GRM8: variants seen among roughly 807,000 people sequenced by gnomAD.
GRM8 encodes metabotropic glutamate receptor 8.
GRM8 carries 47 observed loss-of-function variants against 87.2 expected under a neutral mutation model. That is an observed-to-expected ratio of 0.54 (90% CI 0.43 to 0.69). The LOEUF (loss-of-function observed/expected upper bound fraction) is 0.69. Ranked by LOEUF, GRM8 falls within the 30% of genes least tolerant of loss-of-function variation. The probability of loss-of-function intolerance (pLI) is 0.00; values close to 1 mark genes in which losing one functional copy is unlikely to be tolerated. For synonymous variants in GRM8, 396 were observed against 404.5 expected (o/e 0.98, Z 0.25); for missense variants, 1,019 against 1,139.2 (o/e 0.89, Z 1.52).
chr7:126,585,009 A>C (rs2080963074), intron 8 of GRM8, among the ~76,000 whole-genome samples: 1 of 152,216 alleles, frequency 6.6e-6, no homozygotes, highest in South Asian at 2.1e-4. Flanking sequence ...AAATGTTATT[A>C]ATCATATAAA....
At chr7:127,165,925 G>A (rs1793427621) in intron 2 of GRM8, among the ~76,000 whole-genome samples, 1 of 152,160 alleles carries the variant, frequency 6.6e-6, no homozygotes, top group African/African-American at 2.4e-5. Context: ...ATCTGGGCAT[G>A]GGAGAGTTGA....
chr7:126,902,903 T>G (rs1802243958), intron 5 of GRM8, among the ~76,000 whole-genome samples: 1 of 152,132 alleles, frequency 6.6e-6, no homozygotes, highest in Admixed American at 6.6e-5. Flanking sequence ...CCCAAGCACC[T>G]GGCTCTATGA....
intron 8 of GRM8, among the ~76,000 whole-genome samples, chr7:126,548,260 C>A (rs1319458350): frequency 1.3e-5 from 2 of 151,664 alleles, no homozygotes; most frequent in Admixed American, 6.6e-5. Context: ...CACATGTATA[C>A]ATATGTAACA....
intron 3 of GRM8, among the ~76,000 whole-genome samples, chr7:126,982,666 C>G (rs745462992): frequency 1.3e-5 from 2 of 150,448 alleles, no homozygotes; most frequent in Non-Finnish European, 1.5e-5. Flanking sequence ...CAAGTGTGTA[C>G]ATGCACAAAC....
intron 9 of GRM8, among the ~76,000 whole-genome samples, chr7:126,514,015 G>T (rs1262748361): frequency 6.6e-6 from 1 of 152,096 alleles, no homozygotes; most frequent in Non-Finnish European, 1.5e-5. Flanking sequence ...AGCCTCATTT[G>T]TGCAATCATG....
chr7:126,751,803 A>G (rs1043460498), intron 7 of GRM8, among the ~76,000 whole-genome samples: 2 of 152,168 alleles, frequency 1.3e-5, no homozygotes, highest in Non-Finnish European at 2.9e-5. Flanking sequence ...AACTGGACCA[A>G]TCTGCCCCAG....
intron 3 of GRM8, among the ~76,000 whole-genome samples, chr7:126,921,470 G>C (rs1286307700): frequency 6.6e-6 from 1 of 152,018 alleles, no homozygotes; most frequent in Non-Finnish European, 1.5e-5. Flanking sequence ...AGAACTTTTG[G>C]ATTGAAAATA....
At chr7:127,033,977 A>G (rs1282458182) in intron 3 of GRM8, among the ~76,000 whole-genome samples, 1 of 152,216 alleles carries the variant, frequency 6.6e-6, no homozygotes, top group Non-Finnish European at 1.5e-5. Flanking sequence ...TCATTCTCTA[A>G]TGGAATAGTT....
intron 3 of GRM8, among the ~76,000 whole-genome samples, chr7:127,063,692 T>C (rs1322280001): frequency 6.6e-6 from 1 of 152,234 alleles, no homozygotes; most frequent in African/African-American, 2.4e-5. Flanking sequence ...TTGGGGTGGA[T>C]TTATTCTTTC....
At chr7:126,747,291 CA>C (rs1320798513) in intron 7 of GRM8, among the ~76,000 whole-genome samples, 5 of 151,862 alleles carry the variant, frequency 3.3e-5, no homozygotes, top group African/African-American at 9.6e-5. Flanking sequence ...TTTTGTTGGA[CA>C]AAAAAACCAC....
intron 3 of GRM8, among the ~76,000 whole-genome samples, chr7:126,911,466 T>G (rs529686860): frequency 8.5e-5 from 13 of 152,346 alleles, no homozygotes; most frequent in African/African-American, 2.6e-4. Context: ...TATTAAAATA[T>G]TAACGGGTGC....
chr7:126,946,327 C>T (rs1049007802), intron 3 of GRM8, among the ~76,000 whole-genome samples: 1 of 149,166 alleles, frequency 6.7e-6, no homozygotes, highest in Non-Finnish European at 1.5e-5. Context: ...CATAGTGAGA[C>T]CCCCCCATCT....
chr7:126,527,787 G>A (rs2150826602), intron 9 of GRM8, among the ~76,000 whole-genome samples: 1 of 152,218 alleles, frequency 6.6e-6, no homozygotes, highest in African/African-American at 2.4e-5. Flanking sequence ...TTGAAGGCAG[G>A]TACACACTGC....
chr7:126,498,230 A>G (rs962410576), intron 9 of GRM8, among the ~76,000 whole-genome samples: 8 of 152,012 alleles, frequency 5.3e-5, no homozygotes, highest in African/African-American at 1.7e-4. Context: ...AAGAAACTCA[A>G]TTGTTCTGAT....
chr7:127,239,082 G>A (rs544507445), intron 2 of GRM8, among the ~76,000 whole-genome samples: 1 of 152,282 alleles, frequency 6.6e-6, no homozygotes, highest in Non-Finnish European at 1.5e-5. Flanking sequence ...TGACACAGGA[G>A]GAGCAAGACT....
chr7:127,055,331 A>C (rs1819877066), intron 3 of GRM8, among the ~76,000 whole-genome samples: 1 of 152,208 alleles, frequency 6.6e-6, no homozygotes, highest in Admixed American at 6.5e-5. Flanking sequence ...AAGAGGTCAA[A>C]TGAGAATTAA....
At chr7:126,912,331 T>C (rs1464950728) in intron 3 of GRM8, among the ~76,000 whole-genome samples, 2 of 152,188 alleles carry the variant, frequency 1.3e-5, no homozygotes, top group African/African-American at 4.8e-5. Flanking sequence ...GGAACAAAAA[T>C]GTAGACCAAG....
Position 127,187,620 on chromosome 7 carries a change from G to A in GRM8, c.510+55075C>T, listed in dbSNP as rs1794809212. 2.6e-5 allele frequency among the ~76,000 whole-genome samples: 4 copies of A among 152,094 alleles called. No homozygotes were observed. In the South Asian group the frequency reaches 8.3e-4, roughly 31 times the overall value. On this transcript the variant is annotated intron_variant, in intron 2 of 10. Coordinates refer to ENST00000339582, the MANE Select transcript of GRM8 (RefSeq NM_000845.3). ...CACATACGCGCATTTGGTGTTCTCAGCTCTCCTCTTAATCACTAACTCCTG... is the reference window on the plus strand; with the variant it reads ...CACATACGCGCATTTGGTGTTCTCAACTCTCCTCTTAATCACTAACTCCTG...
At chr7:126,463,154 A>C (rs987807559) in intron 9 of GRM8, among the ~76,000 whole-genome samples, 3 of 151,574 alleles carry the variant, frequency 2.0e-5, no homozygotes, top group Non-Finnish European at 4.4e-5. Context: ...TGATTCTATT[A>C]TTTATGATGA....
Sources: allele counts gnomAD v4.1 joint callset (sites outside exome capture counted in the v4.1 genomes callset), GRCh38; gene constraint gnomAD v4.1.1; transcripts MANE v1.5; gene names NCBI Gene and HGNC (gene_info 2026-07-23, HGNC 2026-07-21).